Variants in KCNMA1 observed in about 807,000 individuals in gnomAD.
KCNMA1 encodes potassium calcium-activated channel subfamily M alpha 1, also known as Calcium-activated potassium channel subunit alpha-1.
In KCNMA1, 29 loss-of-function variants were observed where a neutral mutation model predicts 140.0. The observed-to-expected ratio is 0.21, with a 90% CI of 0.15 to 0.28. The LOEUF (loss-of-function observed/expected upper bound fraction) is 0.28, where lower values mean the gene tolerates loss of function less well. Ranked by LOEUF, KCNMA1 falls within the 10% of genes least tolerant of loss-of-function variation. The pLI is 1.00. For missense variants in KCNMA1, 880 were observed against 1,602.2 expected (o/e 0.55, Z 7.70); for synonymous variants, 612 against 611.9 (o/e 1.00, Z 0.00).
At chr10:77,094,170 C>T (rs1006379596) in intron 9 of KCNMA1, among the ~76,000 whole-genome samples, 1 of 152,164 alleles carries the variant, frequency 6.6e-6, no homozygotes, top group African/African-American at 2.4e-5. Flanking sequence ...GTGGCCTATG[C>T]AATCCCACCT....
intron 1 of KCNMA1, among the ~76,000 whole-genome samples, chr10:77,448,913 C>A (rs757973966): frequency 5.9e-5 from 9 of 151,862 alleles, no homozygotes; most frequent in Non-Finnish European, 1.2e-4. Flanking sequence ...ATGGTGAAAC[C>A]CCGTCTCTAC....
In KCNMA1 at chr10:77,600,748, A is replaced by AACACAC. The variant is rs60159761; in HGVS notation, c.378+36511_378+36516dup. ...GGTGACAGAGCGAAACTCCATCTCA[A>AACACAC]ACACACACACACACACACATGCACA... On this transcript the variant is annotated intron_variant, in intron 1 of 27. Coordinates refer to ENST00000286628, the MANE Select transcript of KCNMA1 (RefSeq NM_001161352.2). 9.4e-3 allele frequency among the ~76,000 whole-genome samples: 1,418 copies of AACACAC among 150,500 alleles called. 16 individuals carry two copies. The highest frequency in any genetic ancestry group is 0.03 in the African/African-American group (1,246 of 41,000).
At chr10:77,157,011 C>T (rs2154070154) in intron 5 of KCNMA1, among the ~76,000 whole-genome samples, 1 of 152,316 alleles carries the variant, frequency 6.6e-6, no homozygotes, top group East Asian at 1.9e-4. Context: ...TCCAGGGTGG[C>T]CAGACTCACA....
At chr10:76,938,853 C>T (rs917446649) in intron 23 of KCNMA1, among the ~76,000 whole-genome samples, 3 of 152,112 alleles carry the variant, frequency 2.0e-5, no homozygotes, top group African/African-American at 7.2e-5. Flanking sequence ...GCTCACTTTG[C>T]CTCCACCTGT....
At chr10:77,038,376 C>T (rs937487008) in intron 15 of KCNMA1, among the ~76,000 whole-genome samples, 1 of 152,110 alleles carries the variant, frequency 6.6e-6, no homozygotes, top group African/African-American at 2.4e-5. Context: ...TCTTCCTCAG[C>T]CCAGTGAGCT....
chr10:77,175,997 C>T (rs1486472670), intron 5 of KCNMA1, among the ~76,000 whole-genome samples: 1 of 152,172 alleles, frequency 6.6e-6, no homozygotes, highest in Admixed American at 6.5e-5. Flanking sequence ...TTATTCTTAC[C>T]AAATGCAGAG....
intron 1 of KCNMA1, among the ~76,000 whole-genome samples, chr10:77,422,538 T>C (rs894632241): frequency 3.3e-5 from 5 of 152,214 alleles, no homozygotes; most frequent in South Asian, 2.1e-4. Context: ...ATCTTTCTAG[T>C]CTTAGGCACC....
chr10:77,190,429 A>G (rs1453959523), intron 3 of KCNMA1, among the ~76,000 whole-genome samples: 1 of 152,176 alleles, frequency 6.6e-6, no homozygotes, highest in Non-Finnish European at 1.5e-5. Flanking sequence ...TATGTGGTAG[A>G]GTTAGGATAG....
chr10:77,428,548 T>C (rs1228155519), intron 1 of KCNMA1, among the ~76,000 whole-genome samples: 1 of 152,066 alleles, frequency 6.6e-6, no homozygotes, highest in Non-Finnish European at 1.5e-5. Context: ...TGCAGGCTGA[T>C]TTTTCTGAAG....
chr10:77,078,604 T>G (rs1338787572), intron 13 of KCNMA1, among the ~76,000 whole-genome samples: 1 of 152,218 alleles, frequency 6.6e-6, no homozygotes, highest in East Asian at 1.9e-4. Flanking sequence ...ATTACACTCT[T>G]ACAGAGCGCA....
At chr10:77,628,310 G>A (rs1299749144) in intron 1 of KCNMA1, among the ~76,000 whole-genome samples, 2 of 152,110 alleles carry the variant, frequency 1.3e-5, no homozygotes, top group African/African-American at 2.4e-5. Context: ...AGACATCATG[G>A]TCCCAGACTT....
chr10:77,194,976 A>G (rs2039950345), intron 3 of KCNMA1, among the ~76,000 whole-genome samples: 1 of 152,232 alleles, frequency 6.6e-6, no homozygotes, highest in Non-Finnish European at 1.5e-5. Context: ...ATGAATTTAT[A>G]TGTGATGCTG....
chr10:77,605,539 C>G (rs1042468127), intron 1 of KCNMA1, among the ~76,000 whole-genome samples: 1 of 152,202 alleles, frequency 6.6e-6, no homozygotes, highest in African/African-American at 2.4e-5. Context: ...GACCTCCCAG[C>G]CCTCTGCTGG....
chr10:77,449,977 T>A (rs928815244), intron 1 of KCNMA1, among the ~76,000 whole-genome samples: 2 of 151,834 alleles, frequency 1.3e-5, no homozygotes, highest in African/African-American at 4.8e-5. Flanking sequence ...AGAGAATGTG[T>A]CTCACTCTGT....
At chr10:77,447,773 A>G (rs2097556462) in intron 1 of KCNMA1, among the ~76,000 whole-genome samples, 1 of 152,224 alleles carries the variant, frequency 6.6e-6, no homozygotes, top group African/African-American at 2.4e-5. Flanking sequence ...AAGTGATGGA[A>G]GGTCAGCTTT....
intron 2 of KCNMA1, among the ~76,000 whole-genome samples, chr10:77,329,082 C>G (rs1446065525): frequency 1.3e-5 from 2 of 152,172 alleles, no homozygotes; most frequent in African/African-American, 4.8e-5. Flanking sequence ...CCTTGTGATC[C>G]CCCTGCCTCG....
chr10:77,633,185 T>C (rs367843679), intron 1 of KCNMA1, among the ~76,000 whole-genome samples: 2 of 152,058 alleles, frequency 1.3e-5, no homozygotes, highest in Non-Finnish European at 2.9e-5. Flanking sequence ...TGTGGCAGCG[T>C]GCGCCTGTAG....
intron 1 of KCNMA1, among the ~76,000 whole-genome samples, chr10:77,538,781 T>C (rs1022112368): frequency 9.9e-5 from 15 of 152,142 alleles, no homozygotes; most frequent in African/African-American, 3.1e-4. Context: ...AGAGGGCCTC[T>C]ATGAACCTGT....
chr10:77,425,056 G>T (rs2096949323), intron 1 of KCNMA1, among the ~76,000 whole-genome samples: 1 of 152,152 alleles, frequency 6.6e-6, no homozygotes, highest in Non-Finnish European at 1.5e-5. Flanking sequence ...TGAATGGATG[G>T]ATGGGTGGAT....
Sources: gnomAD v4.1 joint callset for allele counts (sites outside exome capture counted in the v4.1 genomes callset) on GRCh38, gnomAD v4.1.1 for gene constraint, MANE v1.5 for transcripts, NCBI Gene and HGNC (gene_info 2026-07-23, HGNC 2026-07-21) for gene names.